Variants in PTK2 observed in about 807,000 individuals in gnomAD.
PTK2 encodes focal adhesion kinase 1.
A neutral mutation model predicts 150.1 loss-of-function variants in PTK2; 45 were observed. The ratio of observed to expected loss-of-function variants is 0.30; its 90% CI spans 0.24 to 0.38. PTK2 has a LOEUF of 0.38. Among genes scored for constraint, PTK2 ranks in the 10% least tolerant of loss-of-function variants. The pLI, the probability that PTK2 is intolerant of heterozygous loss-of-function variation, is 1.00. For synonymous variants in PTK2, 432 were observed against 449.2 expected (o/e 0.96, Z 0.48); for missense variants, 919 against 1,307.3 (o/e 0.70, Z 4.58).
At chr8:140,914,968 G>A (rs1019418159) in intron 2 of PTK2, among the ~76,000 whole-genome samples, 4 of 141,820 alleles carry the variant, frequency 2.8e-5, no homozygotes, top group Admixed American at 2.4e-4. Context: ...GGGAGGCAGA[G>A]GTTGCGGTGA....
At chr8:140,993,490 C>T (rs1196587688) in intron 1 of PTK2, among the ~76,000 whole-genome samples, 1 of 152,036 alleles carries the variant, frequency 6.6e-6, no homozygotes, top group Non-Finnish European at 1.5e-5. Context: ...AAGTTTATGC[C>T]CTCGTGGAGC....
At chr8:140,701,120 A>C (rs2100030166) in intron 25 of PTK2, 98 bp from the exon 29 acceptor site, 14 of 1,334,324 alleles carry the variant, frequency 1.0e-5, no homozygotes, top group Admixed American at 2.7e-5. Context: ...TAAGCAAAAC[A>C]GCAAGTATGA....
In PTK2 at chr8:140,702,818, T is replaced by C. The variant is rs572720200; in HGVS notation, c.2230-111A>G. 1.9e-4 allele frequency: 233 copies of C among 1,229,196 alleles called. 3 individuals are homozygous for C. In the East Asian group the frequency reaches 4.9e-3, roughly 26 times the overall value. The allele number at this position is 1,229,196 out of a possible 1,614,324, so 76.1% of individuals were successfully genotyped here. On this transcript the variant is annotated intron_variant, in intron 24 of 31. Coordinates refer to ENST00000522684, the Ensembl canonical transcript of PTK2. ...GAGAATATTGTGGTAGGCAGAATTA[T>C]GGCCCCCCAAAGATACCCATGTTCT...
intron 17 of PTK2, among the ~76,000 whole-genome samples, chr8:140,748,490 CTG>C (rs1400282528): frequency 6.0e-5 from 6 of 100,572 alleles, no homozygotes; most frequent in African/African-American, 1.1e-4. Context: ...GACTGAGACT[CTG>C]TCTCAAAAAA....
Position 140,846,586 on chromosome 8 carries a change from G to A in PTK2, c.530+13C>T. ...TGATAAATAAAGGCCGCAATGTATA[G>A]TTATCATCTTACCGTATTTCTAGAC... On this transcript the variant is annotated intron_variant, in intron 6 of 31. Transcript: ENST00000522684. 6.3e-7 allele frequency: 1 copy of A among 1,579,024 alleles called. No homozygotes were observed.
chr8:140,879,006 C>T (rs1195115270), intron 4 of PTK2, among the ~76,000 whole-genome samples: 3 of 152,070 alleles, frequency 2.0e-5, no homozygotes, highest in African/African-American at 2.4e-5. Context: ...ATCAAATATA[C>T]ACTCACTCTT....
chr8:140,901,701 C>T (rs943735583), intron 2 of PTK2, among the ~76,000 whole-genome samples: 3 of 148,496 alleles, frequency 2.0e-5, no homozygotes, highest in South Asian at 2.2e-4. Flanking sequence ...ATGTGCAGAA[C>T]GTGCAGGTTT....
At chr8:140,792,701 G>C (rs1185435824) in intron 13 of PTK2, among the ~76,000 whole-genome samples, 1 of 152,206 alleles carries the variant, frequency 6.6e-6, no homozygotes, top group East Asian at 1.9e-4. Context: ...GAGAGGGACA[G>C]AACAAAGCCC....
At chr8:140,728,527 T>C (rs1468916373) in intron 22 of PTK2, among the ~76,000 whole-genome samples, 3 of 152,172 alleles carry the variant, frequency 2.0e-5, no homozygotes, top group Non-Finnish European at 4.4e-5. Flanking sequence ...TTTATTTATA[T>C]GTTTGTTTGA....
At chr8:140,732,017 CAAG>C (rs1341983212) in intron 22 of PTK2, among the ~76,000 whole-genome samples, 9 of 152,146 alleles carry the variant, frequency 5.9e-5, no homozygotes, top group South Asian at 2.1e-4. Flanking sequence ...CTTTCGAGGT[CAAG>C]AAGAAGAATG....
At chr8:140,918,682 G>A (rs2100166242) in intron 2 of PTK2, among the ~76,000 whole-genome samples, 1 of 152,100 alleles carries the variant, frequency 6.6e-6, no homozygotes, top group Non-Finnish European at 1.5e-5. Flanking sequence ...TATAAATATA[G>A]TCTGCTCTAT....
chr8:140,751,443 G>A (rs377538209), intron 17 of PTK2, among the ~76,000 whole-genome samples: 2 of 151,894 alleles, frequency 1.3e-5, no homozygotes, highest in Non-Finnish European at 1.5e-5. Flanking sequence ...GGGATTACAC[G>A]TGTGAGCCAC....
At chr8:140,759,505 T>C (rs1456746638) in intron 16 of PTK2, among the ~76,000 whole-genome samples, 1 of 131,208 alleles carries the variant, frequency 7.6e-6, no homozygotes, top group African/African-American at 3.0e-5. Context: ...CTGTACTCCC[T>C]TGGTGACAGA....
intron 22 of PTK2, 131 bp downstream of exon 25, chr8:140,735,118 TAA>T: frequency 1.3e-6 from 1 of 785,106 alleles, no homozygotes; most frequent in East Asian, 2.7e-5. Flanking sequence ...ATTTTAAAAG[TAA>T]TTGCATTTGA....
intron 22 of PTK2, among the ~76,000 whole-genome samples, chr8:140,731,802 C>G (rs1222145557): frequency 1.3e-5 from 2 of 152,092 alleles, no homozygotes; most frequent in Non-Finnish European, 2.9e-5. Context: ...ACTCAGGAGG[C>G]TAAGGTGGGA....
At chr8:140,950,136 T>A (rs530022710) in intron 1 of PTK2, among the ~76,000 whole-genome samples, 1 of 108,616 alleles carries the variant, frequency 9.2e-6, no homozygotes, top group East Asian at 2.8e-4. Context: ...CATCCTCCAG[T>A]TGTCCATGTA....
At chr8:140,763,873 G>GAT (rs945725835) in intron 15 of PTK2, among the ~76,000 whole-genome samples, 1 of 151,864 alleles carries the variant, frequency 6.6e-6, no homozygotes, top group African/African-American at 2.4e-5. Flanking sequence ...TACATATATG[G>GAT]ATATATATAT....
chr8:140,842,142 A>T (rs1567365054), intron 7 of PTK2, among the ~76,000 whole-genome samples: 1 of 152,096 alleles, frequency 6.6e-6, no homozygotes, highest in East Asian at 1.9e-4. Flanking sequence ...AGAGAGCTAT[A>T]AGGATATTTA....
intron 4 of PTK2, among the ~76,000 whole-genome samples, chr8:140,870,148 T>C (rs1385402151): frequency 6.6e-6 from 1 of 152,136 alleles, no homozygotes; most frequent in Non-Finnish European, 1.5e-5. Context: ...CATCTCAACA[T>C]AGTTAAAAAA....
Sources: allele counts gnomAD v4.1 joint callset (sites outside exome capture counted in the v4.1 genomes callset), GRCh38; gene constraint gnomAD v4.1.1; transcripts MANE v1.5; gene names NCBI Gene and HGNC (gene_info 2026-07-23, HGNC 2026-07-21).